Variants in SNX25 observed in about 807,000 individuals in gnomAD.
SNX25 encodes the protein sorting nexin 25.
SNX25 carries 62 observed loss-of-function variants against 113.7 expected under a neutral mutation model. The ratio of observed to expected loss-of-function variants is 0.55; its 90% CI spans 0.44 to 0.67. SNX25 has a LOEUF of 0.67. Ranked by LOEUF, SNX25 falls within the 30% of genes least tolerant of loss-of-function variation. SNX25 has a pLI of 0.00. For synonymous variants in SNX25, 421 were observed against 436.2 expected, an observed-to-expected ratio of 0.97 and a Z score of 0.43; for missense variants, 1,014 against 1,161.0, an observed-to-expected ratio of 0.87 and a Z score of 1.84.
At chr4:185,258,261 A>G (rs1746737251) in intron 2 of SNX25, among the ~76,000 whole-genome samples, 1 of 152,186 alleles carries the variant, frequency 6.6e-6, no homozygotes, top group Non-Finnish European at 1.5e-5. Context: ...TGCCCTGTGG[A>G]TGGCATTGGA....
intron 3 of SNX25, among the ~76,000 whole-genome samples, chr4:185,260,339 C>G (rs562493742): frequency 6.6e-6 from 1 of 152,122 alleles, no homozygotes; most frequent in East Asian, 1.9e-4. Flanking sequence ...TCAAAGAGCT[C>G]ATTTCTATGG....
At chr4:185,330,692 A>G (rs138000452) in intron 9 of SNX25, among the ~76,000 whole-genome samples, 61 of 152,316 alleles carry the variant, frequency 4.0e-4, no homozygotes, top group African/African-American at 1.5e-3. Flanking sequence ...CCAGTTCACT[A>G]TCTCCAGCCC....
intron 2 of SNX25, among the ~76,000 whole-genome samples, chr4:185,251,350 G>A (rs868754767): frequency 9.2e-5 from 14 of 152,214 alleles, no homozygotes; most frequent in Non-Finnish European, 1.2e-4. Flanking sequence ...CTCTAGAACT[G>A]TTTTCATCTT....
rs990479287 is a variant in SNX25 at position 185,347,532 on chromosome 4, G to A, written c.2301+882G>A. Among the ~76,000 whole-genome samples the A allele has an allele frequency of 3.9e-5, 6 of 151,972 alleles. No homozygotes were observed. In the South Asian group the frequency reaches 6.2e-4, roughly 16 times the overall value. On this transcript the variant is annotated intron_variant, in intron 13 of 18. Transcript: ENST00000652585. ...GTTGCCCAGGCTGGAGTGCAATGGCGCGATCTTGGCTCACCGTAACCTCTG... is the reference window on the plus strand; with the variant it reads ...GTTGCCCAGGCTGGAGTGCAATGGCACGATCTTGGCTCACCGTAACCTCTG...
chr4:185,371,784 T>G (rs568405031), downstream of SNX25, among the ~76,000 whole-genome samples: 14 of 152,292 alleles, frequency 9.2e-5, no homozygotes, highest in South Asian at 2.9e-3. Context: ...GTAAGTGGTC[T>G]GCTGCCTGGA....
At chr4:185,346,903 A>AGCAC (rs1388412096) in intron 13 of SNX25, among the ~76,000 whole-genome samples, 4 of 152,238 alleles carry the variant, frequency 2.6e-5, no homozygotes, top group Admixed American at 6.5e-5. Context: ...ACTGGTTATC[A>AGCAC]CCAGCAGCCC....
upstream of SNX25, among the ~76,000 whole-genome samples, chr4:185,207,101 C>G (rs1737220170): frequency 6.6e-6 from 1 of 152,132 alleles, no homozygotes; most frequent in Admixed American, 6.5e-5. Flanking sequence ...CCTACTCAAT[C>G]CACTGACCCA....
chr4:185,207,318 A>G (rs1360937491), upstream of SNX25, among the ~76,000 whole-genome samples: 2 of 140,566 alleles, frequency 1.4e-5, no homozygotes, highest in South Asian at 2.2e-4. Context: ...CCAGGTTCAC[A>G]CCGTTCTCCT....
intron 1 of SNX25, among the ~76,000 whole-genome samples, chr4:185,234,093 C>T (rs1022944793): frequency 1.3e-5 from 2 of 152,088 alleles, no homozygotes; most frequent in Non-Finnish European, 2.9e-5. Context: ...CTCCTGACCT[C>T]GTGATCTGCC....
chr4:185,242,098 C>T (rs1744143255), intron 1 of SNX25, among the ~76,000 whole-genome samples: 1 of 152,140 alleles, frequency 6.6e-6, no homozygotes. Flanking sequence ...AGTGGCTGCT[C>T]ATTCAGACAT....
chr4:185,359,903 C>T (rs913976069), intron 16 of SNX25, among the ~76,000 whole-genome samples: 7 of 152,160 alleles, frequency 4.6e-5, no homozygotes, highest in African/African-American at 1.7e-4. Context: ...CCAGGCTGTC[C>T]ATTTCAGTGG....
At chr4:185,252,856 G>A (rs1490127960) in intron 2 of SNX25, among the ~76,000 whole-genome samples, 2 of 152,190 alleles carry the variant, frequency 1.3e-5, no homozygotes, top group African/African-American at 4.8e-5. Flanking sequence ...ACAAATGCTG[G>A]AAGTTAAATG....
intron 1 of SNX25, among the ~76,000 whole-genome samples, chr4:185,219,214 T>C (rs1292063518): frequency 6.6e-6 from 1 of 152,124 alleles, no homozygotes; most frequent in Non-Finnish European, 1.5e-5. Context: ...CATGTATGCT[T>C]TATAGAAGCT....
intron 1 of SNX25, among the ~76,000 whole-genome samples, chr4:185,226,132 C>A (rs1740960159): frequency 6.6e-6 from 1 of 152,142 alleles, no homozygotes; most frequent in Admixed American, 6.5e-5. Context: ...TACAGCATTC[C>A]AGGCAGCCGC....
chr4:185,374,582 G>T (rs1451742024), downstream of SNX25: 7 of 1,032,390 alleles, frequency 6.8e-6, no homozygotes, highest in South Asian at 4.9e-5. Flanking sequence ...CTATGAATCT[G>T]TGCCCAAGGG....
intron 10 of SNX25, among the ~76,000 whole-genome samples, chr4:185,336,071 C>G (rs1408940003): frequency 3.3e-5 from 5 of 152,186 alleles, no homozygotes; most frequent in Non-Finnish European, 7.4e-5. Context: ...TAAAAGAGAT[C>G]TGAAGAGATG....
At chr4:185,357,562 C>A in intron 15 of SNX25, 109 bp from the exon 16 acceptor site, 2 of 905,940 alleles carry the variant, frequency 2.2e-6, no homozygotes, top group South Asian at 1.4e-5. Flanking sequence ...GACTTGATGG[C>A]AGGACTGAAA....
intron 1 of SNX25, among the ~76,000 whole-genome samples, chr4:185,222,466 A>G (rs3108261): frequency 0.64 from 83,919 of 132,134 alleles, 26,356 homozygotes; most frequent in East Asian, 0.73. Flanking sequence ...GGTATTCAGC[A>G]CCCTATACCC....
chr4:185,296,932 A>G (rs1238329401), intron 6 of SNX25, among the ~76,000 whole-genome samples: 1 of 152,128 alleles, frequency 6.6e-6, no homozygotes, highest in African/African-American at 2.4e-5. Flanking sequence ...GCTAATTTCA[A>G]TGGGCTTTTT....
Sources: gnomAD v4.1 joint callset for allele counts (sites outside exome capture counted in the v4.1 genomes callset) on GRCh38, gnomAD v4.1.1 for gene constraint, MANE v1.5 for transcripts, NCBI Gene and HGNC (gene_info 2026-07-23, HGNC 2026-07-21) for gene names.